The following PLEKHG7 variants were observed in gnomAD, a reference collection of about 807,000 sequenced individuals.
PLEKHG7 encodes the protein pleckstrin homology and RhoGEF domain containing G7, also known as pleckstrin homology domain-containing family G member 7.
In PLEKHG7, 77 loss-of-function variants were observed where a neutral mutation model predicts 85.2. The ratio of observed to expected loss-of-function variants is 0.90; its 90% confidence interval spans 0.75 to 1.09. The LOEUF (loss-of-function observed/expected upper bound fraction) is 1.09, where lower values mean the gene tolerates loss of function less well. PLEKHG7 is among the 50% of genes least tolerant of loss of function. The pLI is 0.00. For synonymous variants in PLEKHG7, 301 were observed against 302.4 expected (o/e 1.00, Z 0.05); for missense variants, 777 against 804.3 (o/e 0.97, Z 0.41).
At chr12:92,710,077 G>T (rs938843435) in intron 3 of PLEKHG7, among the ~76,000 whole-genome samples, 2 of 152,178 alleles carry the variant, frequency 1.3e-5, no homozygotes, top group African/African-American at 2.4e-5. Context: ...CCAGCAGAAC[G>T]TAATGTCACA....
intron 5 of PLEKHG7, among the ~76,000 whole-genome samples, chr12:92,732,788 G>A (rs2136595155): frequency 6.6e-6 from 1 of 152,262 alleles, no homozygotes; most frequent in East Asian, 1.9e-4. Context: ...TCAATCAGCG[G>A]TCCCTGAGAC....
intron 3 of PLEKHG7, among the ~76,000 whole-genome samples, chr12:92,714,410 G>T (rs576320976): frequency 3.3e-5 from 5 of 152,290 alleles, no homozygotes; most frequent in Non-Finnish European, 7.3e-5. Flanking sequence ...CAAGTTGCAG[G>T]GTCTCATTCT....
At chr12:92,732,943 T>C (rs1872034266) in intron 5 of PLEKHG7, among the ~76,000 whole-genome samples, 1 of 152,184 alleles carries the variant, frequency 6.6e-6, no homozygotes, top group African/African-American at 2.4e-5. Flanking sequence ...CCAGCATTAC[T>C]AGTTGCATTA....
chr12:92,741,392 T>C (rs998747593), intron 8 of PLEKHG7, 99 bp from the exon 9 acceptor site: 4 of 622,314 alleles, frequency 6.4e-6, no homozygotes, highest in Non-Finnish European at 5.2e-6. Flanking sequence ...ATATTTGAAA[T>C]GGGAAACACC....
chr12:92,752,974 T>C (rs1198317862), intron 10 of PLEKHG7, among the ~76,000 whole-genome samples: 2 of 152,106 alleles, frequency 1.3e-5, no homozygotes, highest in Non-Finnish European at 1.5e-5. Context: ...ACTAATCCCA[T>C]TCAAGAGGGC....
chr12:92,721,398 C>A, intron 3 of PLEKHG7: 1 of 1,170,598 alleles, frequency 8.5e-7, no homozygotes, highest in Non-Finnish European at 1.1e-6. Context: ...ACACCATGGA[C>A]CTTCAGATCT....
intron 3 of PLEKHG7, among the ~76,000 whole-genome samples, chr12:92,718,480 A>C (rs1186821308): frequency 6.6e-6 from 1 of 152,232 alleles, no homozygotes; most frequent in Admixed American, 6.5e-5. Context: ...GGTACCTAGA[A>C]CACTGCCTGG....
chr12:92,740,695 C>T (rs1872327561), intron 7 of PLEKHG7, among the ~76,000 whole-genome samples, 158 bp from the exon 8 acceptor site: 1 of 152,120 alleles, frequency 6.6e-6, no homozygotes, highest in African/African-American at 2.4e-5. Flanking sequence ...TTAAATGTGA[C>T]CATTTGTCTT....
chr12:92,753,908 C>T (rs373854591), intron 10 of PLEKHG7, among the ~76,000 whole-genome samples, 182 bp from the exon 11 acceptor site: 2 of 152,244 alleles, frequency 1.3e-5, no homozygotes, highest in East Asian at 1.9e-4. Context: ...CTTATCACTA[C>T]TGCTAATGGA....
At chr12:92,706,284 G>A (rs1224585892) in intron 1 of PLEKHG7, among the ~76,000 whole-genome samples, 187 bp from the exon 2 acceptor site, 2 of 152,184 alleles carry the variant, frequency 1.3e-5, no homozygotes, top group East Asian at 1.9e-4. Context: ...ACTTCAATAC[G>A]CTATTTAGAT....
At position 92,736,503 on chromosome 12, in the gene PLEKHG7, A is replaced by G; in HGVS notation, c.721A>G (p.Ile241Val). ...RGVGKDKHKH[I>V]SDLENCLSSV... is the part of the protein sequence containing the mutation. Reference sequence around the variant, plus strand: ...GCAGGGCAAAGACAAACACAAGCACATATCTGATCTGGAAAACTGCCTGTC... The same window carrying G: ...GCAGGGCAAAGACAAACACAAGCACGTATCTGATCTGGAAAACTGCCTGTC... The change falls in exon 6 of 17, where the codon ATA (isoleucine) becomes GTA (valine). Residue 241 changes from isoleucine (I) to valine (V), a missense_variant. Coordinates refer to ENST00000344636, the MANE Select transcript of PLEKHG7 (RefSeq NM_001377329.1). 1.6e-6 allele frequency: 2 copies of G among 1,231,962 alleles called. No homozygotes were observed. Among genetic ancestry groups the G allele is most frequent in the Non-Finnish European group, 2.0e-6 (2 of 987,774 alleles). The allele number at this position is 1,231,962 out of a possible 1,614,324, so 76.3% of individuals were successfully genotyped here.
intron 13 of PLEKHG7, among the ~76,000 whole-genome samples, chr12:92,758,303 A>G (rs1428944497): frequency 6.6e-6 from 1 of 152,256 alleles, no homozygotes; most frequent in East Asian, 1.9e-4. Context: ...GATATGGGAG[A>G]CATTGCAAAG....
intron 16 of PLEKHG7, among the ~76,000 whole-genome samples, chr12:92,769,398 G>A (rs1259925851): frequency 6.6e-6 from 1 of 152,158 alleles, no homozygotes; most frequent in Non-Finnish European, 1.5e-5. Flanking sequence ...TGTAGGAAAT[G>A]GGGGAAGAAT....
chr12:92,720,319 G>A (rs1042750970), intron 3 of PLEKHG7, among the ~76,000 whole-genome samples: 1 of 133,882 alleles, frequency 7.5e-6, no homozygotes, highest in Non-Finnish European at 1.6e-5. Flanking sequence ...TCTTCTCTTA[G>A]TGTCTTTTTT....
intron 10 of PLEKHG7, among the ~76,000 whole-genome samples, chr12:92,751,623 C>A (rs1872692265): frequency 6.6e-6 from 1 of 151,976 alleles, no homozygotes; most frequent in Non-Finnish European, 1.5e-5. Context: ...ATCCTCCCAC[C>A]TCGGCCTCCC....
chr12:92,735,883 C>T (rs1872131123), intron 5 of PLEKHG7, among the ~76,000 whole-genome samples: 1 of 151,902 alleles, frequency 6.6e-6, no homozygotes, highest in South Asian at 2.1e-4. Context: ...CTACAATAAA[C>T]ATATTATCTT....
Position 92,761,832 on chromosome 12 carries a change from G to C in PLEKHG7, c.1716+1G>C. 6.4e-7 allele frequency: 1 copy of C among 1,570,888 alleles called. No individual in the cohort carries two copies. The highest frequency in any genetic ancestry group is 8.6e-7 in the Non-Finnish European group (1 of 1,165,368). ...TACGAAAACTAAGTGCAACAAAAAG[G>C]TAAAATGCTGCTATTTCAAAGTACG... On this transcript the variant is annotated splice_donor_variant, in intron 14 of 16. Transcript: ENST00000344636. LOFTEE classifies it high-confidence loss of function.
In PLEKHG7 at chr12:92,766,659, G is replaced by A. The variant is rs147140568; in HGVS notation, c.1871-2324G>A. On this transcript the variant is annotated intron_variant, in intron 15 of 16. Coordinates refer to ENST00000344636, the MANE Select transcript of PLEKHG7 (RefSeq NM_001377329.1). ...GGAGTTCAAGACCAGCCTGGTCAAC[G>A]TGGTGAAAAAATACAAAAAAAATAG... is the stretch of plus-strand genomic sequence containing the variant. Among the ~76,000 whole-genome samples the A allele has an allele frequency of 3.2e-3, 483 of 152,066 alleles. 8 individuals are homozygous for A. The highest frequency in any genetic ancestry group is 0.011 in the African/African-American group (449 of 41,470).
chr12:92,739,422 A>G (rs1280059365), intron 7 of PLEKHG7, among the ~76,000 whole-genome samples: 1 of 152,192 alleles, frequency 6.6e-6, no homozygotes, highest in African/African-American at 2.4e-5. Flanking sequence ...GAAGGGGAGT[A>G]TTGCAGGGGG....
Sources: gnomAD v4.1 joint callset for allele counts (sites outside exome capture counted in the v4.1 genomes callset) on GRCh38, gnomAD v4.1.1 for gene constraint, MANE v1.5 for transcripts, NCBI Gene and HGNC (gene_info 2026-07-23, HGNC 2026-07-21) for gene names.